PCED1B: variants seen among roughly 807,000 people sequenced by gnomAD.
The protein encoded by PCED1B is PC-esterase domain containing 1B, also known as PC-esterase domain-containing protein 1B.
For missense variants in PCED1B, 573 were observed against 573.9 expected, an observed-to-expected ratio of 1.00 and a Z score of 0.02; for synonymous variants, 251 against 246.1, an observed-to-expected ratio of 1.02 and a Z score of -0.19.
At chr12:47,208,154 G>A (rs576640112) in intron 2 of PCED1B, among the ~76,000 whole-genome samples, 6 of 152,222 alleles carry the variant, frequency 3.9e-5, no homozygotes, top group Admixed American at 2.0e-4. Flanking sequence ...TCTCTGAACC[G>A]GCTGCCCTTA....
intron 2 of PCED1B, among the ~76,000 whole-genome samples, chr12:47,144,660 C>A (rs1282911031): frequency 6.6e-6 from 1 of 152,116 alleles, no homozygotes. Flanking sequence ...ATGTGATGGA[C>A]CCAAGGGAAC....
intron 2 of PCED1B, among the ~76,000 whole-genome samples, chr12:47,118,159 T>C (rs11183742): frequency 0.014 from 2,144 of 152,334 alleles, 53 homozygotes; most frequent in African/African-American, 0.048. Flanking sequence ...ACTCTGATGG[T>C]AATTTCTTTT....
intron 2 of PCED1B, among the ~76,000 whole-genome samples, chr12:47,195,236 G>A (rs2137676979): frequency 6.6e-6 from 1 of 151,896 alleles, no homozygotes; most frequent in Non-Finnish European, 1.5e-5. Flanking sequence ...AGCTGAGACA[G>A]GAGAATCACT....
chr12:47,169,510 T>A (rs758623692), intron 2 of PCED1B, among the ~76,000 whole-genome samples: 5 of 152,194 alleles, frequency 3.3e-5, no homozygotes, highest in Non-Finnish European at 7.3e-5. Flanking sequence ...ATCATTTCAA[T>A]AGTTTTACTG....
At chr12:47,149,674 T>C (rs1171538481) in intron 2 of PCED1B, among the ~76,000 whole-genome samples, 1 of 152,228 alleles carries the variant, frequency 6.6e-6, no homozygotes, top group Non-Finnish European at 1.5e-5. Flanking sequence ...GCTTTTTCTT[T>C]TTCTCTGATC....
At chr12:47,117,981 G>A (rs1327294100) in intron 2 of PCED1B, among the ~76,000 whole-genome samples, 1 of 152,096 alleles carries the variant, frequency 6.6e-6, no homozygotes, top group Non-Finnish European at 1.5e-5. Context: ...GTGTCTGTTG[G>A]CTGCATAAAT....
At chr12:47,084,921 A>AG (rs1226397937) in intron 1 of PCED1B, among the ~76,000 whole-genome samples, 1 of 152,172 alleles carries the variant, frequency 6.6e-6, no homozygotes, top group Non-Finnish European at 1.5e-5. Context: ...GAATCACTTG[A>AG]GGTCAGGAGT....
At chr12:47,178,520 T>A (rs978090806) in intron 2 of PCED1B, among the ~76,000 whole-genome samples, 3 of 152,082 alleles carry the variant, frequency 2.0e-5, no homozygotes, top group African/African-American at 7.2e-5. Context: ...ACAGCCCAGG[T>A]AGCCTATGTA....
intron 2 of PCED1B, among the ~76,000 whole-genome samples, chr12:47,131,356 A>T (rs1940118147): frequency 6.6e-6 from 1 of 152,230 alleles, no homozygotes; most frequent in South Asian, 2.1e-4. Flanking sequence ...GCCTCCTCTC[A>T]GAAACTCAGT....
rs145594498 is a variant in PCED1B, at chr12:47,160,405, A to T, written c.-525-55817A>T. Among the ~76,000 whole-genome samples, 771 of 146,758 alleles carry T rather than the reference A, an allele frequency of 5.3e-3. 5 individuals carry two copies. Among genetic ancestry groups the T allele is most frequent in the African/African-American group, 0.018 (705 of 39,748 alleles). Reference sequence around the variant, plus strand: ...GCCTCGAACACTTGGCCTCAAGCACAATCCTCTTGTCTCAGCCTCCTGAGT... The same window carrying T: ...GCCTCGAACACTTGGCCTCAAGCACTATCCTCTTGTCTCAGCCTCCTGAGT... On this transcript the variant is annotated intron_variant, in intron 2 of 3. Transcript: ENST00000546455.
chr12:47,086,444 C>CA (rs1396409454), intron 1 of PCED1B, among the ~76,000 whole-genome samples: 1 of 145,118 alleles, frequency 6.9e-6, no homozygotes, highest in Non-Finnish European at 1.5e-5. Flanking sequence ...TGGAAGGTTA[C>CA]AATTTCTGCT....
At chr12:47,126,081 A>G (rs1939876004) in intron 2 of PCED1B, among the ~76,000 whole-genome samples, 1 of 152,062 alleles carries the variant, frequency 6.6e-6, no homozygotes, top group South Asian at 2.1e-4. Context: ...TGCCTTGTCA[A>G]TCTTACAAAG....
intron 2 of PCED1B, among the ~76,000 whole-genome samples, chr12:47,137,329 A>T (rs757066159): frequency 1.1e-3 from 160 of 152,334 alleles, no homozygotes; most frequent in Non-Finnish European, 2.0e-3. Flanking sequence ...TATAGATGTG[A>T]TTAGAGTGGA....
At chr12:47,227,332 C>T (rs1197660631) in intron 3 of PCED1B, among the ~76,000 whole-genome samples, 3 of 151,946 alleles carry the variant, frequency 2.0e-5, no homozygotes, top group African/African-American at 7.2e-5. Flanking sequence ...CCATGATGCC[C>T]ACATAATTTT....
intron 2 of PCED1B, among the ~76,000 whole-genome samples, chr12:47,171,876 C>T (rs28551596): frequency 1.4e-5 from 2 of 147,300 alleles, no homozygotes; most frequent in African/African-American, 2.6e-5. Flanking sequence ...CCTTCTTCTT[C>T]TTTTCTTCTT....
At chr12:47,198,294 G>A (rs1942666415) in intron 2 of PCED1B, among the ~76,000 whole-genome samples, 1 of 152,132 alleles carries the variant, frequency 6.6e-6, no homozygotes, top group Non-Finnish European at 1.5e-5. Context: ...GAAGAAAAAT[G>A]TATATGCTCA....
intron 2 of PCED1B, among the ~76,000 whole-genome samples, chr12:47,198,593 A>G (rs1942675670): frequency 6.9e-6 from 1 of 145,916 alleles, no homozygotes; most frequent in African/African-American, 2.6e-5. Context: ...ACAAACAAAC[A>G]AAAAAAAAAG....
intron 2 of PCED1B, among the ~76,000 whole-genome samples, chr12:47,183,583 C>A (rs1240165126): frequency 6.6e-6 from 1 of 152,074 alleles, no homozygotes; most frequent in Non-Finnish European, 1.5e-5. Flanking sequence ...AGCTACAGAA[C>A]CATTTCTTTT....
chr12:47,150,021 TATTA>T (rs1335441484), intron 2 of PCED1B, among the ~76,000 whole-genome samples: 2 of 152,240 alleles, frequency 1.3e-5, no homozygotes, highest in African/African-American at 2.4e-5. Flanking sequence ...AAATGTTTGG[TATTA>T]ATTAGCTTGA....
Sources: allele counts gnomAD v4.1 joint callset (sites outside exome capture counted in the v4.1 genomes callset), GRCh38; gene constraint gnomAD v4.1.1; transcripts MANE v1.5; gene names NCBI Gene and HGNC (gene_info 2026-07-23, HGNC 2026-07-21).